The following LYN variants were observed in gnomAD, a reference collection of about 807,000 sequenced individuals.
LYN encodes the protein tyrosine-protein kinase Lyn.
LYN carries 12 observed loss-of-function variants against 65.0 expected under a neutral mutation model. That is an observed-to-expected ratio of 0.18 (90% CI 0.12 to 0.30). The LOEUF (loss-of-function observed/expected upper bound fraction) is 0.30. LYN is among the 10% of genes least tolerant of loss of function. The pLI is 1.00. For missense variants in LYN, 380 were observed against 623.2 expected, an observed-to-expected ratio of 0.61 and a Z score of 4.16; for synonymous variants, 222 against 221.2, an observed-to-expected ratio of 1.00 and a Z score of -0.03.
At chr8:55,882,122 C>T (rs894496851) in intron 1 of LYN, among the ~76,000 whole-genome samples, 2 of 152,170 alleles carry the variant, frequency 1.3e-5, no homozygotes, top group African/African-American at 4.8e-5. Flanking sequence ...AGAGTCTCCA[C>T]TCAGCACCGC....
chr8:55,934,408 G>A (rs1222948260), intron 1 of LYN, among the ~76,000 whole-genome samples: 2 of 152,218 alleles, frequency 1.3e-5, no homozygotes, highest in African/African-American at 4.8e-5. Flanking sequence ...TAGGTACAGG[G>A]TTGCTGCTGT....
intron 9 of LYN, 32 bp from the exon 10 acceptor site, chr8:55,969,685 A>C (rs1485625450): frequency 6.6e-7 from 1 of 1,515,092 alleles, no homozygotes; most frequent in Non-Finnish European, 9.2e-7. Context: ...GTGTGTTTGG[A>C]ATGCACTAAC....
chr8:56,008,124 A>AAAAAATAAATAAAT (rs1221275260), intron 12 of LYN, among the ~76,000 whole-genome samples: 3 of 86,638 alleles, frequency 3.5e-5, no homozygotes, highest in African/African-American at 1.2e-4. Flanking sequence ...GCCTCAAAAA[A>AAAAAATAAATAAAT]AAAATAAAAT....
chr8:55,950,391 T>G, intron 4 of LYN, 68 bp from the exon 5 acceptor site: 1 of 971,334 alleles, frequency 1.0e-6, no homozygotes, highest in Non-Finnish European at 1.6e-6. Flanking sequence ...GGGATATCTG[T>G]GATATTTTGA....
At chr8:56,002,419 A>T (rs1808539793) in intron 12 of LYN, among the ~76,000 whole-genome samples, 1 of 147,564 alleles carries the variant, frequency 6.8e-6, no homozygotes, top group South Asian at 2.1e-4. Context: ...ACTCCATCTT[A>T]AAAAAATAAA....
intron 10 of LYN, among the ~76,000 whole-genome samples, chr8:55,994,741 T>C (rs945302814): frequency 3.3e-5 from 5 of 152,138 alleles, no homozygotes; most frequent in Non-Finnish European, 5.9e-5. Flanking sequence ...AGTTTATATA[T>C]AATTATTGGA....
intron 2 of LYN, among the ~76,000 whole-genome samples, chr8:55,946,238 A>G (rs111286775): frequency 6.6e-6 from 1 of 152,266 alleles, no homozygotes; most frequent in African/African-American, 2.4e-5. Flanking sequence ...CCTTCCTGCC[A>G]CCCACAGCAA....
chr8:55,909,343 A>G lies in LYN; in HGVS notation c.-6+29240A>G, dbSNP rs370707134. On this transcript the variant is annotated intron_variant, in intron 1 of 12. Transcript: ENST00000519728. ...TAGTCCTCTAGTGGGGACAGTGGGG[A>G]CCAGCCATCCAGGGCCAACAAGGCC... 2.6e-3 allele frequency among the ~76,000 whole-genome samples: 391 copies of G among 152,188 alleles called. 1 individual carries two copies. The highest frequency in any genetic ancestry group is 9.0e-3 in the African/African-American group (373 of 41,522).
At chr8:55,949,664 C>A (rs1302958881) in intron 4 of LYN, among the ~76,000 whole-genome samples, 4 of 152,188 alleles carry the variant, frequency 2.6e-5, no homozygotes, top group Non-Finnish European at 4.4e-5. Flanking sequence ...ATTAGCATAT[C>A]CATCATCTGG....
intron 12 of LYN, among the ~76,000 whole-genome samples, chr8:56,003,286 C>A (rs899512747): frequency 1.3e-5 from 2 of 152,094 alleles, no homozygotes; most frequent in Non-Finnish European, 2.9e-5. Context: ...TGGTCTCGAT[C>A]TCCTGACCTT....
intron 10 of LYN, among the ~76,000 whole-genome samples, chr8:55,983,393 C>G (rs1430613584): frequency 2.0e-5 from 3 of 152,236 alleles, no homozygotes; most frequent in African/African-American, 7.2e-5. Context: ...TTTTCCCTCA[C>G]TTCTGCACTT....
In LYN at chr8:56,010,605, A is replaced by AT. The variant is rs1184522610; in HGVS notation, c.*499dup. The AT allele has an allele frequency of 4.3e-6, 1 of 232,124 alleles. No individual in the cohort carries two copies. The highest frequency in any genetic ancestry group is 6.2e-5 in the East Asian group (1 of 16,034). The allele number at this position is 232,124 out of a possible 1,614,324, so 14.4% of individuals were successfully genotyped here. ...AAAAAAAACTAATCCAACCTGTTAGATTTTGCAGGTGAAGTCAGCAGCTTA... is the reference window on the plus strand; with the variant it reads ...AAAAAAAACTAATCCAACCTGTTAGATTTTTGCAGGTGAAGTCAGCAGCTTA... On this transcript the variant is annotated 3_prime_UTR_variant, in exon 13 of 13. Transcript: ENST00000519728.
At chr8:55,891,352 C>CAA (rs113888818) in intron 1 of LYN, among the ~76,000 whole-genome samples, 4 of 96,468 alleles carry the variant, frequency 4.1e-5, no homozygotes, top group Admixed American at 1.1e-4. Context: ...AACTCCGGCT[C>CAA]AAAAAAAAAA....
At chr8:55,976,561 G>A (rs991340606) in intron 10 of LYN, among the ~76,000 whole-genome samples, 1 of 152,160 alleles carries the variant, frequency 6.6e-6, no homozygotes, top group Admixed American at 6.5e-5. Flanking sequence ...ATGGCATGGA[G>A]TGGGGGACAG....
intron 1 of LYN, among the ~76,000 whole-genome samples, chr8:55,918,854 G>T (rs1805854666): frequency 6.6e-6 from 1 of 152,080 alleles, no homozygotes; most frequent in Non-Finnish European, 1.5e-5. Context: ...AAAAGTGGTG[G>T]TGAGATTTCT....
chr8:55,887,614 A>AT (rs66536728), intron 1 of LYN, among the ~76,000 whole-genome samples: 11 of 124,640 alleles, frequency 8.8e-5, no homozygotes, highest in South Asian at 5.3e-4. Flanking sequence ...ATATATATAT[A>AT]TTTTTTTTTT....
intron 2 of LYN, among the ~76,000 whole-genome samples, chr8:55,945,849 T>A (rs1354302294): frequency 6.6e-6 from 1 of 152,130 alleles, no homozygotes; most frequent in South Asian, 2.1e-4. Flanking sequence ...GCCCTGACCA[T>A]GCAATTTTAT....
intron 1 of LYN, among the ~76,000 whole-genome samples, chr8:55,919,680 C>T (rs1026660493): frequency 6.6e-6 from 1 of 152,206 alleles, no homozygotes; most frequent in Non-Finnish European, 1.5e-5. Flanking sequence ...TGCTTGAAAA[C>T]CCTAATCTTC....
At chr8:55,937,500 A>T (rs940730622) in intron 1 of LYN, among the ~76,000 whole-genome samples, 2 of 152,234 alleles carry the variant, frequency 1.3e-5, no homozygotes, top group East Asian at 3.8e-4. Context: ...GAGGACATCT[A>T]GATTGTCTCT....
Sources: allele counts gnomAD v4.1 joint callset (sites outside exome capture counted in the v4.1 genomes callset), GRCh38; gene constraint gnomAD v4.1.1; transcripts MANE v1.5; gene names NCBI Gene and HGNC (gene_info 2026-07-23, HGNC 2026-07-21).